RHCE: variants seen among roughly 807,000 people sequenced by gnomAD.
RHCE encodes Rh blood group CcEe antigens.
A neutral mutation model predicts 43.8 loss-of-function variants in RHCE; 22 were observed. That is an observed-to-expected ratio of 0.50 (90% CI 0.36 to 0.72). The LOEUF (loss-of-function observed/expected upper bound fraction) is 0.72. RHCE is among the 30% of genes least tolerant of loss of function. RHCE has a pLI of 0.00. For missense variants in RHCE, 385 were observed against 525.4 expected (o/e 0.73, Z 2.61); for synonymous variants, 156 against 210.7 (o/e 0.74, Z 2.25).
At chr1:25,420,137 A>G (rs1015310917) in intron 1 of RHCE, among the ~76,000 whole-genome samples, 4 of 151,988 alleles carry the variant, frequency 2.6e-5, no homozygotes, top group African/African-American at 9.7e-5. Context: ...AACCATGATC[A>G]TGCCACTGCA....
At chr1:25,428,174 C>A (rs2042818924) in intron 2 of RHCE, among the ~76,000 whole-genome samples, 1 of 152,148 alleles carries the variant, frequency 6.6e-6, no homozygotes, top group Admixed American at 6.5e-5. Flanking sequence ...GTCCCCAGTG[C>A]CTCTCATCTT....
chr1:25,401,797 G>A (rs2124472877), intron 3 of RHCE, among the ~76,000 whole-genome samples: 1 of 152,220 alleles, frequency 6.6e-6, no homozygotes, highest in Middle Eastern at 3.4e-3. Context: ...CTGGTTTGTT[G>A]TGTTTAAACA....
In RHCE at chr1:25,409,058, C is replaced by T. The variant is rs1467409464; in HGVS notation, c.149-189G>A. ...TGAATAATGGGGATAACATAACATG[C>T]CGTGTGGGGATAAGGTAAGGATTAG... On this transcript the variant is annotated intron_variant, in intron 1 of 9. Coordinates refer to ENST00000294413, the MANE Select transcript of RHCE (RefSeq NM_020485.8). 2.4e-5 allele frequency among the ~76,000 whole-genome samples: 3 copies of T among 123,180 alleles called. 1 individual carries two copies. In the Admixed American group the frequency reaches 2.6e-4, roughly 11 times the overall value. The allele number at this position is 123,180 out of a possible 152,430, so 80.8% of individuals were successfully genotyped here.
chr1:25,379,496 T>A (rs1645925807), intron 7 of RHCE, among the ~76,000 whole-genome samples: 1 of 19,846 alleles, frequency 5.0e-5, no homozygotes, highest in South Asian at 2.3e-3. Flanking sequence ...TATATATATA[T>A]TTTTTTTTTT....
At chr1:25,397,702 T>C (rs1646597560) in intron 3 of RHCE, among the ~76,000 whole-genome samples, 1 of 151,538 alleles carries the variant, frequency 6.6e-6, no homozygotes, top group Non-Finnish European at 1.5e-5. Context: ...CAAATGATCT[T>C]AGTCCACCCA....
chr1:25,385,311 AG>A lies in RHCE; in HGVS notation c.1073+399del, dbSNP rs200196587. ...GATAGTATCCTTATCTCCATTTACA[AG>A]GGGGCGACTGAGGCTGAGAAAGGTT... On this transcript the variant is annotated intron_variant, in intron 7 of 9. Coordinates refer to ENST00000294413, the MANE Select transcript of RHCE (RefSeq NM_020485.8). Among the ~76,000 whole-genome samples the A allele has an allele frequency of 5.8e-3, 888 of 152,332 alleles. 10 individuals carry two copies. The highest frequency in any genetic ancestry group is 0.019 in the African/African-American group (801 of 41,572).
intron 1 of RHCE, among the ~76,000 whole-genome samples, chr1:25,411,854 C>T (rs1647089703): frequency 6.6e-6 from 1 of 152,168 alleles, no homozygotes; most frequent in African/African-American, 2.4e-5. Flanking sequence ...TTCAGATATG[C>T]AAATCCAACC....
At chr1:25,408,274 C>T (rs189396125) in intron 2 of RHCE, among the ~76,000 whole-genome samples, 3 of 117,254 alleles carry the variant, frequency 2.6e-5, no homozygotes, top group Admixed American at 9.4e-5. Context: ...GCAACAAAAG[C>T]GAAACTCCGT....
Position 25,406,760 on chromosome 1 carries a change from G to C in RHCE, c.335+1923C>G, listed in dbSNP as rs1261944230. Among the ~76,000 whole-genome samples the C allele has an allele frequency of 2.5e-5, 3 of 119,226 alleles. 1 individual carries two copies. The highest frequency in any genetic ancestry group is 5.7e-5 in the Non-Finnish European group (3 of 52,548). The allele number at this position is 119,226 out of a possible 152,430, so 78.2% of individuals were successfully genotyped here. A position where few individuals can be genotyped will look rare whatever the true frequency, so the allele number is the denominator to read the frequency against. On this transcript the variant is annotated intron_variant, in intron 2 of 9. Transcript: ENST00000294413. ...CCTGCCTCAGCCTCCCGAGTGGCTGGGACTACAGGCGCCCGCCACCACGCC... is the reference window on the plus strand; with the variant it reads ...CCTGCCTCAGCCTCCCGAGTGGCTGCGACTACAGGCGCCCGCCACCACGCC...
chr1:25,415,270 C>A (rs1647296752), intron 1 of RHCE, among the ~76,000 whole-genome samples: 1 of 152,164 alleles, frequency 6.6e-6, no homozygotes, highest in Non-Finnish European at 1.5e-5. Context: ...AGAACACACA[C>A]CCCAGAAAAT....
At chr1:25,414,446 C>G (rs1186829694) in intron 1 of RHCE, among the ~76,000 whole-genome samples, 1 of 152,068 alleles carries the variant, frequency 6.6e-6, no homozygotes, top group Non-Finnish European at 1.5e-5. Flanking sequence ...AGGAGGCCGC[C>G]ACCTCCTCGC....
intron 7 of RHCE, among the ~76,000 whole-genome samples, chr1:25,380,327 C>T (rs904745226): frequency 7.3e-6 from 1 of 136,428 alleles, no homozygotes; most frequent in African/African-American, 3.2e-5. Flanking sequence ...TTTGGACCCC[C>T]GAAGCTTCGG....
At chr1:25,391,041 G>T in intron 4 of RHCE, 126 bp from the exon 5 acceptor site, 2 of 1,314,814 alleles carry the variant, frequency 1.5e-6, no homozygotes, top group Non-Finnish European at 2.2e-6. Flanking sequence ...GTTAGATGGG[G>T]AAGTCACGTC....
At chr1:25,419,609 G>A (rs1375411352) in intron 1 of RHCE, 9 of 152,006 alleles carry the variant, frequency 5.9e-5, no homozygotes, top group African/African-American at 2.2e-4. Flanking sequence ...CCACTGAGAT[G>A]CCTGAAACTC....
chr1:25,382,971 TA>T (rs1270347716), intron 7 of RHCE, among the ~76,000 whole-genome samples: 1 of 152,168 alleles, frequency 6.6e-6, no homozygotes, highest in Non-Finnish European at 1.5e-5. Flanking sequence ...GAGGTAGCTG[TA>T]AAAAGAGATA....
At chr1:25,373,716 C>T (rs764989051) in intron 8 of RHCE, among the ~76,000 whole-genome samples, 21 of 151,844 alleles carry the variant, frequency 1.4e-4, no homozygotes, top group Middle Eastern at 3.4e-3. Flanking sequence ...TAGTGTCTTA[C>T]GCCATTTGTC....
chr1:25,376,425 C>T (rs1403533584), intron 7 of RHCE, among the ~76,000 whole-genome samples: 1 of 152,162 alleles, frequency 6.6e-6, no homozygotes, highest in Non-Finnish European at 1.5e-5. Flanking sequence ...GTGGGCAGCT[C>T]ATGTTCTCAT....
intron 3 of RHCE, among the ~76,000 whole-genome samples, chr1:25,393,362 T>C (rs1646439267): frequency 6.6e-6 from 1 of 152,174 alleles, no homozygotes; most frequent in African/African-American, 2.4e-5. Flanking sequence ...GGCTCAAGCC[T>C]GTAATCTCAG....
At chr1:25,428,298 G>A (rs113663730) in intron 2 of RHCE, among the ~76,000 whole-genome samples, 4 of 152,338 alleles carry the variant, frequency 2.6e-5, no homozygotes, top group African/African-American at 9.6e-5. Context: ...GGAGGCTGGA[G>A]CCCGGACTTT....
Sources: allele counts gnomAD v4.1 joint callset (sites outside exome capture counted in the v4.1 genomes callset), GRCh38; gene constraint gnomAD v4.1.1; transcripts MANE v1.5; gene names NCBI Gene and HGNC (gene_info 2026-07-23, HGNC 2026-07-21).